CLYBL: variants seen among roughly 807,000 people sequenced by gnomAD.
The protein encoded by CLYBL is citramalyl-CoA lyase, also known as citramalyl-CoA lyase, mitochondrial.
In CLYBL, 31 loss-of-function variants were observed where a neutral mutation model predicts 38.9. The ratio of observed to expected loss-of-function variants is 0.80; its 90% CI spans 0.60 to 1.08. The LOEUF is 1.08. Among genes scored for constraint, CLYBL ranks in the 50% least tolerant of loss-of-function variants. The pLI is 0.00. For synonymous variants in CLYBL, 171 were observed against 158.6 expected (o/e 1.08, Z -0.59); for missense variants, 434 against 411.6 (o/e 1.05, Z -0.47).
intron 1 of CLYBL, among the ~76,000 whole-genome samples, chr13:99,614,565 G>C (rs1381267846): frequency 6.6e-6 from 1 of 152,086 alleles, no homozygotes; most frequent in Non-Finnish European, 1.5e-5. Context: ...TGCCCGGGCA[G>C]GTGTAGCTGC....
chr13:99,871,526 G>A (rs182834597), intron 7 of CLYBL, among the ~76,000 whole-genome samples: 2 of 152,316 alleles, frequency 1.3e-5, no homozygotes, highest in Non-Finnish European at 2.9e-5. Flanking sequence ...ATTTAAGAGT[G>A]GGAGGTTGTA....
intron 1 of CLYBL, among the ~76,000 whole-genome samples, chr13:99,672,939 A>G (rs1200184174): frequency 1.3e-5 from 2 of 152,158 alleles, no homozygotes; most frequent in Non-Finnish European, 2.9e-5. Flanking sequence ...TCCTTCATCC[A>G]TGCGCCCAAT....
At chr13:99,729,973 C>CCT (rs753460436) in intron 1 of CLYBL, among the ~76,000 whole-genome samples, 2 of 151,836 alleles carry the variant, frequency 1.3e-5, no homozygotes, top group East Asian at 1.9e-4. Context: ...CCCATGCCCC[C>CCT]ACCACCGTCA....
intron 2 of CLYBL, among the ~76,000 whole-genome samples, chr13:99,819,419 TA>T (rs1566340035): frequency 0.083 from 643 of 7,772 alleles, 19 homozygotes; most frequent in African/African-American, 0.32. Context: ...AAAAAATTTA[TA>T]TATATATATA....
At chr13:99,640,094 A>G (rs1200983926) in intron 1 of CLYBL, among the ~76,000 whole-genome samples, 1 of 152,208 alleles carries the variant, frequency 6.6e-6, no homozygotes, top group African/African-American at 2.4e-5. Flanking sequence ...ATCTCTCTTG[A>G]TACTATAAAA....
chr13:99,726,523 G>C (rs1315381091), intron 1 of CLYBL: 1 of 152,186 alleles, frequency 6.6e-6, no homozygotes, highest in Non-Finnish European at 1.5e-5. Flanking sequence ...AAACTGGAGA[G>C]ATCCATGGGG....
intron 1 of CLYBL, among the ~76,000 whole-genome samples, chr13:99,758,645 C>T (rs7984121): frequency 1.7e-4 from 26 of 152,166 alleles, no homozygotes; most frequent in African/African-American, 5.1e-4. Flanking sequence ...CTTCCTTCTC[C>T]GGAACGGTGA....
chr13:99,751,470 C>T (rs998885500), intron 1 of CLYBL, among the ~76,000 whole-genome samples: 1 of 152,186 alleles, frequency 6.6e-6, no homozygotes, highest in Non-Finnish European at 1.5e-5. Context: ...GTCCTCCTAC[C>T]TCAGCCTCCC....
chr13:99,632,704 C>T (rs1403083562), intron 1 of CLYBL, among the ~76,000 whole-genome samples: 1 of 151,980 alleles, frequency 6.6e-6, no homozygotes, highest in Non-Finnish European at 1.5e-5. Flanking sequence ...GAGATTGTGC[C>T]ACTGCACTCC....
chr13:99,744,599 G>A (rs77471368), intron 1 of CLYBL, among the ~76,000 whole-genome samples: 3,089 of 152,246 alleles, frequency 0.02, 126 homozygotes, highest in African/African-American at 0.07. Context: ...AGTGGAGAAC[G>A]CCTAATCCAA....
chr13:99,754,659 A>T (rs2049024109), intron 1 of CLYBL, among the ~76,000 whole-genome samples: 2 of 149,572 alleles, frequency 1.3e-5, no homozygotes, highest in South Asian at 4.2e-4. Context: ...TTCTCAGCTC[A>T]CTGCAACCTC....
chr13:99,657,419 A>T (rs1488855699), intron 1 of CLYBL, among the ~76,000 whole-genome samples: 1 of 152,220 alleles, frequency 6.6e-6, no homozygotes, highest in Non-Finnish European at 1.5e-5. Context: ...CTAATGCTTG[A>T]ATTCTATATA....
chr13:99,836,535 T>G (rs2050938697), intron 2 of CLYBL, among the ~76,000 whole-genome samples: 1 of 152,212 alleles, frequency 6.6e-6, no homozygotes, highest in Non-Finnish European at 1.5e-5. Context: ...CAGTGTCTAG[T>G]AACTACCGAT....
Position 99,859,034 on chromosome 13 carries a change from T to C in CLYBL, c.423T>C (p.Pro141=). 1 of 1,612,904 alleles carries C rather than the reference T, an allele frequency of 6.2e-7. No individual in the cohort carries two copies. The highest frequency in any genetic ancestry group is 8.5e-7 in the Non-Finnish European group (1 of 1,179,634). Residue 141 remains proline, a synonymous_variant, in exon 3 of 9, where the codon CCT becomes CCC. Transcript: ENST00000339105. Reference sequence around the variant, plus strand: ...TGATGCTACCAAAGGTGGAAAGTCCTGAAGAAATCCAGTGGGTGAGTAGCT... The same window carrying C: ...TGATGCTACCAAAGGTGGAAAGTCCCGAAGAAATCCAGTGGGTGAGTAGCT... The part of the protein sequence containing the change: ...SSLMLPKVES[P]EEIQWFADKF...
intron 2 of CLYBL, among the ~76,000 whole-genome samples, chr13:99,827,489 G>T (rs971095254): frequency 1.3e-5 from 2 of 152,132 alleles, no homozygotes; most frequent in African/African-American, 4.8e-5. Context: ...CCCATGCATG[G>T]CCCATCATCC....
intron 2 of CLYBL, among the ~76,000 whole-genome samples, chr13:99,774,997 A>G (rs924473538): frequency 3.8e-4 from 58 of 152,140 alleles, no homozygotes; most frequent in African/African-American, 1.3e-3. Flanking sequence ...GGATGACAAT[A>G]TCTTCTTTTG....
chr13:99,607,117 G>C (rs1160924906), intron 1 of CLYBL, among the ~76,000 whole-genome samples: 1 of 152,208 alleles, frequency 6.6e-6, no homozygotes, highest in Non-Finnish European at 1.5e-5. Context: ...TAACACAGCG[G>C]TTCCCAAACG....
intron 1 of CLYBL, among the ~76,000 whole-genome samples, chr13:99,704,712 G>A (rs900048308): frequency 6.6e-6 from 1 of 152,184 alleles, no homozygotes; most frequent in Non-Finnish European, 1.5e-5. Context: ...CAATAAATGT[G>A]TTGTTTAAGT....
At position 99,614,772 on chromosome 13, in the gene CLYBL, A is replaced by C. The variant is rs557791806; in HGVS notation, c.62+8015A>C. On this transcript the variant is annotated intron_variant, in intron 1 of 8. Transcript: ENST00000339105. ...TTTCTGTGGGAGAGGCCAAGGAGTC[A>C]GGGGGGGAGGCCGGGACCTGAAGAT... Among the ~76,000 whole-genome samples, 1,078 of 118,924 alleles carry C rather than the reference A, an allele frequency of 9.1e-3. 9 individuals are homozygous for C. The highest frequency in any genetic ancestry group is 0.054 in the Middle Eastern group (13 of 240). 78.0% of individuals were successfully genotyped at this position (118,924 alleles called of 152,430 possible). A position where few individuals can be genotyped will look rare whatever the true frequency, so the allele number is the denominator to read the frequency against.
Sources: gnomAD v4.1 joint callset for allele counts (sites outside exome capture counted in the v4.1 genomes callset) on GRCh38, gnomAD v4.1.1 for gene constraint, MANE v1.5 for transcripts, NCBI Gene and HGNC (gene_info 2026-07-23, HGNC 2026-07-21) for gene names.